ZFR: variants seen among roughly 807,000 people sequenced by gnomAD.
ZFR encodes zinc finger RNA binding protein.
In ZFR, 19 loss-of-function variants were observed where a neutral mutation model predicts 130.7. The ratio of observed to expected loss-of-function variants is 0.15; its 90% CI spans 0.10 to 0.21. The LOEUF is 0.21. Ranked by LOEUF, ZFR falls within the 10% of genes least tolerant of loss-of-function variation. ZFR has a pLI of 1.00. For synonymous variants in ZFR, 466 were observed against 456.9 expected (o/e 1.02, Z -0.25); for missense variants, 872 against 1,321.5 (o/e 0.66, Z 5.27).
chr5:32,375,194 G>A (rs1390933085), intron 17 of ZFR, among the ~76,000 whole-genome samples: 1 of 152,066 alleles, frequency 6.6e-6, no homozygotes, highest in Non-Finnish European at 1.5e-5. Flanking sequence ...AAAGGTTGAA[G>A]GAGAAAAACT....
At chr5:32,400,285 G>A (rs1753419985) in intron 8 of ZFR, 82 bp from the exon 9 acceptor site, 1 of 1,042,052 alleles carries the variant, frequency 9.6e-7, no homozygotes, top group South Asian at 2.5e-5. Context: ...TTCAGATAAA[G>A]TTCTTTTCTG....
At chr5:32,435,450 C>A (rs1157026934) in intron 2 of ZFR, among the ~76,000 whole-genome samples, 1 of 152,046 alleles carries the variant, frequency 6.6e-6, no homozygotes, top group Non-Finnish European at 1.5e-5. Flanking sequence ...ACTAGGATAA[C>A]CAGATATTCT....
intron 8 of ZFR, among the ~76,000 whole-genome samples, chr5:32,400,891 A>C (rs762356837): frequency 2.6e-5 from 4 of 152,214 alleles, no homozygotes; most frequent in Non-Finnish European, 5.9e-5. Flanking sequence ...TACAATTTAG[A>C]AAAATTAAAA....
chr5:32,377,214 T>TTCTC lies in ZFR; in HGVS notation c.2835+1897_2835+1900dup, dbSNP rs143572606. On this transcript the variant is annotated intron_variant, in intron 17 of 19. Transcript: ENST00000265069. ...TTTCCTTCTCTTTCTTTATTTCTCT[T>TTCTC]TCTCTCTCTCTCTCTCTCTCCTCTC... 4.6e-3 allele frequency among the ~76,000 whole-genome samples: 682 copies of TTCTC among 147,476 alleles called. 4 individuals carry two copies. Among genetic ancestry groups the TTCTC allele is most frequent in the South Asian group, 0.026 (119 of 4,584 alleles).
chr5:32,393,837 C>T (rs899789148), intron 11 of ZFR, among the ~76,000 whole-genome samples: 4 of 152,144 alleles, frequency 2.6e-5, no homozygotes, highest in Non-Finnish European at 5.9e-5. Context: ...TAGCAACTAA[C>T]GATAATGTAT....
rs753287905 is a variant in ZFR, at chr5:32,444,226, T to C, written c.137+3A>G. 8.8e-6 allele frequency: 14 copies of C among 1,594,260 alleles called. No individual in the cohort carries two copies. The highest frequency in any genetic ancestry group is 2.3e-5 in the South Asian group (2 of 88,180). On this transcript the variant is annotated splice_donor_region_variant and intron_variant, in intron 2 of 19. Transcript: ENST00000265069. ...GAACAGAGAGAAGGCAGGATGCCGT[T>C]ACCTATATTGGGCCGCAGCCGCCGC...
intron 17 of ZFR, among the ~76,000 whole-genome samples, chr5:32,374,593 C>A (rs1023020831): frequency 7.2e-5 from 11 of 152,000 alleles, no homozygotes; most frequent in Non-Finnish European, 1.3e-4. Flanking sequence ...TATTAAGAAT[C>A]TAATAAATTC....
At chr5:32,369,791 GAC>G (rs990540929) in intron 17 of ZFR, among the ~76,000 whole-genome samples, 1 of 152,112 alleles carries the variant, frequency 6.6e-6, no homozygotes, top group Non-Finnish European at 1.5e-5. Context: ...CAGCCCGAGT[GAC>G]AGAGTGAAAC....
chr5:32,373,511 C>A (rs1212887999), intron 17 of ZFR, among the ~76,000 whole-genome samples: 4 of 152,148 alleles, frequency 2.6e-5, no homozygotes, highest in African/African-American at 9.7e-5. Flanking sequence ...CTTTAAACTG[C>A]AGCTTTAAAA....
chr5:32,379,047 C>G, intron 17 of ZFR, 68 bp downstream of exon 17: 1 of 1,201,254 alleles, frequency 8.3e-7, no homozygotes, highest in Non-Finnish European at 1.2e-6. Context: ...TACATGTAAA[C>G]TGAGAGGATA....
chr5:32,434,832 C>T (rs1351680803), intron 2 of ZFR, among the ~76,000 whole-genome samples: 1 of 152,152 alleles, frequency 6.6e-6, no homozygotes, highest in African/African-American at 2.4e-5. Flanking sequence ...ACTAGAACTA[C>T]TCAAAAAAGA....
intron 10 of ZFR, among the ~76,000 whole-genome samples, chr5:32,397,000 C>G (rs1425233099): frequency 6.6e-6 from 1 of 152,124 alleles, no homozygotes; most frequent in East Asian, 1.9e-4. Flanking sequence ...GCCACAATTA[C>G]TAAAACTGAT....
chr5:32,355,986 G>T (rs756127528), intron 19 of ZFR, 47 bp from the exon 20 acceptor site: 7 of 1,488,216 alleles, frequency 4.7e-6, no homozygotes, highest in Non-Finnish European at 6.3e-6. Context: ...AAAACCCCAA[G>T]TAGTAATACT....
chr5:32,389,259 A>G (rs551765417), intron 12 of ZFR, among the ~76,000 whole-genome samples: 1 of 152,320 alleles, frequency 6.6e-6, no homozygotes, highest in South Asian at 2.1e-4. Flanking sequence ...TCAATTTAGA[A>G]GTAGTAGGTT....
intron 11 of ZFR, among the ~76,000 whole-genome samples, chr5:32,393,547 T>C (rs563397507): frequency 6.6e-6 from 1 of 152,190 alleles, no homozygotes; most frequent in Non-Finnish European, 1.5e-5. Flanking sequence ...TTCTCCATGT[T>C]GGTCAGGCTG....
chr5:32,431,811 A>G (rs1188208841), intron 2 of ZFR, among the ~76,000 whole-genome samples: 1 of 151,310 alleles, frequency 6.6e-6, no homozygotes, highest in Non-Finnish European at 1.5e-5. Context: ...GAATCACCCC[A>G]AAGACAAAGC....
chr5:32,410,892 A>C (rs1753691839), intron 5 of ZFR, among the ~76,000 whole-genome samples: 3 of 152,220 alleles, frequency 2.0e-5, no homozygotes, highest in Admixed American at 2.0e-4. Context: ...GTCTTTAAAA[A>C]ACAGATACTT....
In ZFR at chr5:32,406,801, A is replaced by C. The variant is rs1359796283; in HGVS notation, c.1005T>G (p.Val335=). Residue 335 remains valine, a synonymous_variant, in exon 6 of 20, where the codon GTT becomes GTG. Coordinates refer to ENST00000265069, the MANE Select transcript of ZFR (RefSeq NM_016107.5). ...PKPPQIHYCD[V]CKISCAGPQT... ...GTGGTCCAGCACAGCTGATCTTACA[A>C]ACATCACAATAGTGAATCTGTGGTG... is the stretch of plus-strand genomic sequence containing the variant. 2.5e-6 allele frequency: 4 copies of C among 1,613,146 alleles called. No individual in the cohort carries two copies. The Admixed American group carries it at 6.7e-5, about 27-fold the overall frequency.
chr5:32,444,584 G>T, intron 1 of ZFR, 38 bp downstream of exon 1: 1 of 1,467,100 alleles, frequency 6.8e-7, no homozygotes, highest in Non-Finnish European at 9.0e-7. Context: ...GCCAGGGAGG[G>T]GGCCGGGCAG....
Sources: allele counts gnomAD v4.1 joint callset (sites outside exome capture counted in the v4.1 genomes callset), GRCh38; gene constraint gnomAD v4.1.1; transcripts MANE v1.5; gene names NCBI Gene and HGNC (gene_info 2026-07-23, HGNC 2026-07-21).